TNN: variants seen among roughly 807,000 people sequenced by gnomAD.
TNN encodes tenascin N.
Under a neutral mutation model 134.4 loss-of-function variants are expected in TNN, and 122 were observed. The ratio of observed to expected loss-of-function variants is 0.91; its 90% CI spans 0.78 to 1.06. TNN has a LOEUF of 1.06. Among genes scored for constraint, TNN ranks in the 50% least tolerant of loss-of-function variants. The pLI is 0.00. For missense variants in TNN, 1,739 were observed against 1,699.4 expected (o/e 1.02, Z -0.41); for synonymous variants, 710 against 670.3 (o/e 1.06, Z -0.91).
chr1:175,091,639 G>A (rs1674449807), intron 6 of TNN, among the ~76,000 whole-genome samples: 1 of 151,086 alleles, frequency 6.6e-6, no homozygotes, highest in South Asian at 2.1e-4. Context: ...ACCTAGGCTG[G>A]AGTGTGGTGC....
At chr1:175,123,755 G>A in intron 12 of TNN, 92 bp downstream of exon 12, 3 of 1,568,398 alleles carry the variant, frequency 1.9e-6, no homozygotes, top group Non-Finnish European at 1.7e-6. Context: ...GCAGGAGGGT[G>A]GTTGCTTTAC....
chr1:175,146,690 A>C (rs1383720466), intron 18 of TNN, among the ~76,000 whole-genome samples: 1 of 151,678 alleles, frequency 6.6e-6, no homozygotes, highest in Non-Finnish European at 1.5e-5. Flanking sequence ...AGAGACCGCC[A>C]GCTTCCAAAT....
intron 1 of TNN, among the ~76,000 whole-genome samples, chr1:175,075,179 C>T (rs1399180654): frequency 1.3e-5 from 2 of 152,196 alleles, no homozygotes; most frequent in East Asian, 3.8e-4. Flanking sequence ...CTTCCTGATA[C>T]TAAATGAATG....
chr1:175,135,381 A>G (rs1675772683), intron 15 of TNN, among the ~76,000 whole-genome samples: 1 of 152,018 alleles, frequency 6.6e-6, no homozygotes, highest in Admixed American at 6.5e-5. Flanking sequence ...TAAGTATTAA[A>G]TAATCGCTAT....
At chr1:175,100,005 T>C (rs939711053) in intron 9 of TNN, among the ~76,000 whole-genome samples, 9 of 152,202 alleles carry the variant, frequency 5.9e-5, no homozygotes, top group African/African-American at 1.9e-4. Flanking sequence ...CCAAGTCTGG[T>C]CCATGGAGAA....
At chr1:175,108,077 C>T (rs4445422) in intron 9 of TNN, among the ~76,000 whole-genome samples, 34,426 of 151,012 alleles carry the variant, frequency 0.23, 4,418 homozygotes, top group African/African-American at 0.35. Flanking sequence ...TACAGAGTGC[C>T]GATTGGTGTA....
intron 17 of TNN, among the ~76,000 whole-genome samples, chr1:175,143,701 T>A (rs1339401506): frequency 6.6e-6 from 1 of 152,114 alleles, no homozygotes; most frequent in Non-Finnish European, 1.5e-5. Context: ...GATGGTGGGA[T>A]GCAAGACTGT....
At chr1:175,112,702 C>T (rs1486540387) in intron 9 of TNN, among the ~76,000 whole-genome samples, 1 of 142,368 alleles carries the variant, frequency 7.0e-6, no homozygotes, top group African/African-American at 2.6e-5. Context: ...ACTGCAACCT[C>T]TGCTTCTCAG....
At chr1:175,126,882 A>T in intron 12 of TNN, 73 bp from the exon 13 acceptor site, 1 of 1,511,208 alleles carries the variant, frequency 6.6e-7, no homozygotes, top group Non-Finnish European at 8.9e-7. Context: ...GGAAAATATA[A>T]ACTGATGTCT....
chr1:175,128,630 CAGGTT>C lies in TNN; in HGVS notation c.3215_3219del (p.Gln1072ProfsTer28), dbSNP rs1177408414. 6.2e-7 allele frequency: 1 copy of C among 1,613,542 alleles called. No homozygotes were observed. Among genetic ancestry groups the C allele is most frequent in the East Asian group, 2.2e-5 (1 of 44,820 alleles). On this transcript the variant is annotated frameshift_variant, in exon 15 of 19. Coordinates refer to ENST00000239462, the MANE Select transcript of TNN (RefSeq NM_022093.2). LOFTEE classifies it high-confidence loss of function. Reference sequence around the variant, plus strand: ...TTTCCCACACCCTTCGGACTGCAGTCAGGTTCAGCAGAACAGCAATGCCGCCAGTG... The same window carrying C: ...TTTCCCACACCCTTCGGACTGCAGTCCAGCAGAACAGCAATGCCGCCAGTG...
Position 175,080,302 on chromosome 1 carries a change from A to C in TNN, c.924A>C (p.Gln308His). 1 of 1,614,088 alleles carries C rather than the reference A, an allele frequency of 6.2e-7. No homozygotes were observed. The change falls in exon 4 of 19, where the codon CAA becomes CAC. Residue 308 changes from glutamine to histidine, a missense_variant. Coordinates refer to ENST00000239462, the MANE Select transcript of TNN (RefSeq NM_022093.2). ...AGGAGCTCTCTGGGAAGCAGATCCA[A>C]GTGCCCAAGGAGCAGCACAGCTATG... ...LGKELSGKQI[Q>H]VPKEQHSYEI... is the part of the protein sequence containing the mutation.
At chr1:175,069,420 G>T (rs746367825) in intron 1 of TNN, among the ~76,000 whole-genome samples, 4 of 152,224 alleles carry the variant, frequency 2.6e-5, no homozygotes, top group Non-Finnish European at 5.9e-5. Context: ...TTTATAGGCT[G>T]CAGCTGACTC....
intron 11 of TNN, among the ~76,000 whole-genome samples, chr1:175,119,930 G>A (rs920740824): frequency 1.1e-4 from 17 of 152,162 alleles, no homozygotes; most frequent in African/African-American, 3.9e-4. Context: ...GAGCCACTGC[G>A]CCTGGGCCCA....
chr1:175,097,585 T>G lies in TNN; in HGVS notation c.1757T>G (p.Val586Gly). The change falls in exon 8 of 19, where the codon GTC becomes GGC. Residue 586 changes from valine (V) to glycine (G), a missense_variant. By Grantham distance (109) the Val-to-Gly change is moderately radical. Coordinates refer to ENST00000239462, the MANE Select transcript of TNN (RefSeq NM_022093.2). ...VLVGKEQSST[V>G]LTGLRPGVEY... Reference sequence around the variant, plus strand: ...GTGGGGAAGGAGCAGAGCAGCACTGTCCTGACAGGCCTGAGGCCAGGTGTG... The same window carrying G: ...GTGGGGAAGGAGCAGAGCAGCACTGGCCTGACAGGCCTGAGGCCAGGTGTG... The G allele has an allele frequency of 6.2e-7, 1 of 1,614,168 alleles. No homozygotes were observed. Among genetic ancestry groups the G allele is most frequent in the Non-Finnish European group, 8.5e-7 (1 of 1,180,026 alleles).
intron 18 of TNN, among the ~76,000 whole-genome samples, chr1:175,146,168 G>A (rs1444711558): frequency 1.3e-5 from 2 of 152,172 alleles, no homozygotes; most frequent in African/African-American, 4.8e-5. Flanking sequence ...TGGTGGCAGC[G>A]TGTGGGCTGA....
At position 175,147,556 on chromosome 1, in the gene TNN, A is replaced by G. The variant is rs2101859550; in HGVS notation, c.*485A>G. 6.6e-6 allele frequency: 1 copy of G among 152,266 alleles called. No individual in the cohort carries two copies. Among genetic ancestry groups the G allele is most frequent in the East Asian group, 1.9e-4 (1 of 5,174 alleles). The allele number at this position is 152,266 out of a possible 1,614,324, so 9.4% of individuals were successfully genotyped here. The stretch of plus-strand genomic sequence containing the variant: ...TTGGGTTTTTAGGAAAACAGTGTGA[A>G]CCTCCCCCTTTTAATTTCTGGTGTT... On this transcript the variant is annotated 3_prime_UTR_variant, in exon 19 of 19. Coordinates refer to ENST00000239462, the MANE Select transcript of TNN (RefSeq NM_022093.2).
Position 175,128,682 on chromosome 1 carries a change from A to G in TNN, c.3266A>G (p.His1089Arg), listed in dbSNP as rs754230224. Residue 1089 changes from histidine to arginine, a missense_variant, in exon 15 of 19, where the codon CAT (histidine) becomes CGT (arginine). His to Arg is a conservative substitution (Grantham distance 29). Transcript: ENST00000239462. ...AGTGGTCTGTACACCATCTACCTGCATGGCGATGCCAGCCGGCCCCTGCAG... is the reference window on the plus strand; with the variant it reads ...AGTGGTCTGTACACCATCTACCTGCGTGGCGATGCCAGCCGGCCCCTGCAG... ...AASGLYTIYL[H>R]GDASRPLQVY... 5 of 1,614,084 alleles carry G rather than the reference A, an allele frequency of 3.1e-6. No individual in the cohort carries two copies. The highest frequency in any genetic ancestry group is 4.2e-6 in the Non-Finnish European group (5 of 1,179,968).
chr1:175,072,901 T>A (rs952939070), intron 1 of TNN, among the ~76,000 whole-genome samples: 1 of 149,036 alleles, frequency 6.7e-6, no homozygotes. Context: ...GCAGCCTTAC[T>A]GTGGTTGATG....
In TNN at chr1:175,112,771, C is replaced by T. The variant is rs532254962; in HGVS notation, c.2120-4168C>T. The stretch of plus-strand genomic sequence containing the variant: ...TAGCTGGGACTATAGGCATGTGCCA[C>T]CATGTCTGGCTAATTTTTTTTTGTA... On this transcript the variant is annotated intron_variant, in intron 9 of 18. Transcript: ENST00000239462. Among the ~76,000 whole-genome samples, 469 of 151,440 alleles carry T rather than the reference C, an allele frequency of 3.1e-3. 3 individuals carry two copies. Among genetic ancestry groups the T allele is most frequent in the African/African-American group, 0.011 (447 of 41,126 alleles).
Sources: allele counts gnomAD v4.1 joint callset (sites outside exome capture counted in the v4.1 genomes callset), GRCh38; gene constraint gnomAD v4.1.1; transcripts MANE v1.5; gene names NCBI Gene and HGNC (gene_info 2026-07-23, HGNC 2026-07-21).